RTL4: variants seen among roughly 807,000 people sequenced by gnomAD.
RTL4 encodes retrotransposon Gag like 4, also known as retrotransposon Gag-like protein 4.
Under a neutral mutation model 5.3 loss-of-function variants are expected in RTL4, and 4 were observed. The ratio of observed to expected loss-of-function variants is 0.75; its 90% CI spans 0.37 to 1.72. RTL4 has a LOEUF of 1.72. Ranked by LOEUF, RTL4 falls within the 40% of genes most tolerant of loss-of-function variation. RTL4 has a pLI of 0.04. For missense variants in RTL4, 260 were observed against 227.1 expected (o/e 1.14, Z -0.93); for synonymous variants, 98 against 87.3 (o/e 1.12, Z -0.68).
At chrX:112,146,173 G>T in the RTL4 span, among the ~76,000 whole-genome samples, 1 of 111,597 alleles carries the variant, frequency 9.0e-6, no homozygotes, top group Non-Finnish European at 1.9e-5. Context: ...CAGGGGGTGA[G>T]AATTAGGCAA....
chrX:112,283,287 T>C, the RTL4 span, among the ~76,000 whole-genome samples: 3 of 111,954 alleles, frequency 2.7e-5, no homozygotes, highest in Non-Finnish European at 5.6e-5. Context: ...AACAACTCAT[T>C]CACCTTTTTT....
chrX:112,227,352 T>A, the RTL4 span, among the ~76,000 whole-genome samples: 1 of 111,844 alleles, frequency 8.9e-6, no homozygotes, highest in South Asian at 3.7e-4. Flanking sequence ...TTTCATGCAC[T>A]GTGGTCTGCT....
At chrX:112,256,153 C>A in the RTL4 span, among the ~76,000 whole-genome samples, 1 of 111,629 alleles carries the variant, frequency 9.0e-6, no homozygotes, top group Admixed American at 9.5e-5. Flanking sequence ...CCACTAAATT[C>A]CATTTTTGTT....
chrX:112,127,252 G>C, the RTL4 span, among the ~76,000 whole-genome samples: 1,522 of 111,315 alleles, frequency 0.014, 13 homozygotes, highest in Middle Eastern at 0.038. Flanking sequence ...AAATGCAAGA[G>C]TGAGTGGTTC....
chrX:112,254,694 T>G, the RTL4 span, among the ~76,000 whole-genome samples: 1 of 110,359 alleles, frequency 9.1e-6, no homozygotes, highest in Non-Finnish European at 1.9e-5. Flanking sequence ...GAAGTTGTCC[T>G]AAGTTGAGGA....
chrX:112,329,076 C>A, the RTL4 span, among the ~76,000 whole-genome samples: 3 of 110,550 alleles, frequency 2.7e-5, no homozygotes, highest in African/African-American at 9.8e-5. Context: ...AAAATTGACA[C>A]CCTAACATCA....
the RTL4 span, among the ~76,000 whole-genome samples, chrX:112,172,581 C>T: frequency 3.1e-4 from 34 of 110,964 alleles, no homozygotes; most frequent in Non-Finnish European, 5.3e-4. Flanking sequence ...AGTTCAACCA[C>T]GGTGGAAGAC....
chrX:112,199,793 G>A, the RTL4 span, among the ~76,000 whole-genome samples: 139 of 111,877 alleles, frequency 1.2e-3, no homozygotes, highest in African/African-American at 4.3e-3. Context: ...AATAATGATA[G>A]ATACTTTTCA....
At chrX:112,182,144 C>T in the RTL4 span, among the ~76,000 whole-genome samples, 26 of 111,683 alleles carry the variant, frequency 2.3e-4, no homozygotes, top group Admixed American at 6.7e-4. Flanking sequence ...TCAACATCAA[C>T]AAAAACGACA....
chrX:112,374,764 T>A, the RTL4 span, among the ~76,000 whole-genome samples: 1 of 111,888 alleles, frequency 8.9e-6, no homozygotes, highest in Non-Finnish European at 1.9e-5. Flanking sequence ...CTCTCTTCCT[T>A]CAAAACTGAG....
chrX:112,453,481 A>G (rs1490708490), upstream of RTL4, among the ~76,000 whole-genome samples: 1 of 112,157 alleles, frequency 8.9e-6, no homozygotes, highest in African/African-American at 3.2e-5. Flanking sequence ...CTTGTTTGCT[A>G]GATTCTCAAC....
chrX:112,146,525 G>A, the RTL4 span, among the ~76,000 whole-genome samples: 1 of 110,992 alleles, frequency 9.0e-6, no homozygotes. Context: ...GAGTTAGACA[G>A]TTAGCATAGA....
chrX:112,352,699 T>TA, the RTL4 span, among the ~76,000 whole-genome samples: 1 of 85,921 alleles, frequency 1.2e-5, no homozygotes, highest in Non-Finnish European at 2.1e-5. Flanking sequence ...ATTAAAGACT[T>TA]ACATGTTGGC....
the RTL4 span, among the ~76,000 whole-genome samples, chrX:112,270,959 T>A: frequency 3.7e-5 from 4 of 107,140 alleles, no homozygotes; most frequent in African/African-American, 1.0e-4. Context: ...GACGTCATAG[T>A]TCCTAAGGAG....
the RTL4 span, among the ~76,000 whole-genome samples, chrX:112,429,500 T>C: frequency 2.7e-5 from 3 of 111,151 alleles, no homozygotes; most frequent in East Asian, 5.7e-4. Flanking sequence ...ATCATTGTTG[T>C]CATGTATTTC....
chrX:112,182,945 C>T, the RTL4 span, among the ~76,000 whole-genome samples: 1 of 112,000 alleles, frequency 8.9e-6, no homozygotes, highest in African/African-American at 3.2e-5. Context: ...ATGGGAAGCC[C>T]ATCAGACTAA....
the RTL4 span, among the ~76,000 whole-genome samples, chrX:112,280,509 G>C: frequency 4.5e-4 from 50 of 110,728 alleles, no homozygotes; most frequent in African/African-American, 1.6e-3. Context: ...GTTTTTTTGA[G>C]ATGGAGTCTC....
At chrX:112,268,295 C>T in the RTL4 span, among the ~76,000 whole-genome samples, 1 of 112,323 alleles carries the variant, frequency 8.9e-6, no homozygotes, top group African/African-American at 3.2e-5. Context: ...GAAGGATCTT[C>T]CCCCACGTGT....
chrX:112,257,889 G>A, the RTL4 span, among the ~76,000 whole-genome samples: 556 of 101,880 alleles, frequency 5.5e-3, 5 homozygotes, highest in African/African-American at 0.02. Context: ...ATATATATGT[G>A]TATATATATA....
Sources: gnomAD v4.1 joint callset for allele counts (sites outside exome capture counted in the v4.1 genomes callset) on GRCh38, gnomAD v4.1.1 for gene constraint, MANE v1.5 for transcripts, NCBI Gene and HGNC (gene_info 2026-07-23, HGNC 2026-07-21) for gene names.